The following NKAIN3 variants were observed in gnomAD, a reference collection of about 807,000 sequenced individuals.
The protein encoded by NKAIN3 is sodium/potassium-transporting ATPase subunit beta-1-interacting protein 3.
A neutral mutation model predicts 30.2 loss-of-function variants in NKAIN3; 25 were observed. The ratio of observed to expected loss-of-function variants is 0.83; its 90% CI spans 0.60 to 1.16. NKAIN3 has a LOEUF of 1.16. Among genes scored for constraint, NKAIN3 ranks in the 50% most tolerant of loss-of-function variants. The probability of loss-of-function intolerance (pLI) is 0.00; values close to 1 mark genes in which losing one functional copy is unlikely to be tolerated. For missense variants in NKAIN3, 225 were observed against 254.1 expected (o/e 0.89, Z 0.78); for synonymous variants, 91 against 89.6 (o/e 1.02, Z -0.09).
chr8:62,549,349 G>C (rs887950166), intron 1 of NKAIN3, among the ~76,000 whole-genome samples: 4 of 151,698 alleles, frequency 2.6e-5, no homozygotes, highest in Admixed American at 6.6e-5. Context: ...ATCGGAGGGG[G>C]GCCTGTTCCA....
chr8:62,343,759 T>A (rs1036402471), intron 1 of NKAIN3, among the ~76,000 whole-genome samples: 1 of 151,962 alleles, frequency 6.6e-6, no homozygotes, highest in Non-Finnish European at 1.5e-5. Flanking sequence ...TACAGTAAGC[T>A]CTGATTGCGC....
Position 62,927,357 on chromosome 8 carries a change from C to T in NKAIN3, c.532+8844C>T, listed in dbSNP as rs77795816. On this transcript the variant is annotated intron_variant, in intron 5 of 6. Coordinates refer to ENST00000623646, the MANE Select transcript of NKAIN3 (RefSeq NM_001304533.3). ...TTTCTCCCCTGGATTTCCAGAAAAT[C>T]GCATCTCTTGAACAGCACATATTTT... Among the ~76,000 whole-genome samples, 49 of 152,280 alleles carry T rather than the reference C, an allele frequency of 3.2e-4. No individual in the cohort carries two copies. The East Asian group carries it at 7.3e-3, about 23-fold the overall frequency.
intron 1 of NKAIN3, among the ~76,000 whole-genome samples, chr8:62,398,684 G>C (rs1011802414): frequency 3.3e-5 from 5 of 152,214 alleles, no homozygotes; most frequent in Non-Finnish European, 7.3e-5. Context: ...CGTGTTCACT[G>C]TTAGCAGAGT....
intron 1 of NKAIN3, chr8:62,483,395 C>T (rs1160327936): frequency 1.4e-5 from 3 of 212,670 alleles, no homozygotes; most frequent in African/African-American, 4.6e-5. Context: ...CCCCATGTTT[C>T]CTTGTAAACT....
intron 1 of NKAIN3, among the ~76,000 whole-genome samples, chr8:62,358,999 G>A (rs964292229): frequency 3.9e-5 from 6 of 152,116 alleles, no homozygotes; most frequent in Non-Finnish European, 8.8e-5. Flanking sequence ...GGCTAACACG[G>A]TGAAACCCTG....
intron 6 of NKAIN3, among the ~76,000 whole-genome samples, chr8:62,954,971 A>T (rs1009200845): frequency 1.3e-5 from 2 of 152,158 alleles, no homozygotes; most frequent in South Asian, 4.1e-4. Context: ...TTTGATGGCG[A>T]TAGAAGAAAT....
intron 4 of NKAIN3, among the ~76,000 whole-genome samples, chr8:62,833,456 G>A (rs1387411402): frequency 1.3e-5 from 2 of 151,694 alleles, no homozygotes; most frequent in African/African-American, 4.8e-5. Context: ...AAAGAAAGAA[G>A]GTCCTAACAG....
intron 5 of NKAIN3, among the ~76,000 whole-genome samples, chr8:62,997,000 G>C (rs750907143): frequency 2.6e-5 from 4 of 152,162 alleles, no homozygotes; most frequent in Non-Finnish European, 5.9e-5. Context: ...GCGTCTGGAG[G>C]ATGGTGGCCC....
rs1399712770 is a variant in NKAIN3, at chr8:62,976,585, C to T, written c.*11178C>T. Among the ~76,000 whole-genome samples the T allele has an allele frequency of 1.3e-5, 2 of 152,124 alleles. No individual in the cohort carries two copies. Among genetic ancestry groups the T allele is most frequent in the African/African-American group, 2.4e-5 (1 of 41,412 alleles). ...TTTTGAGCCTATGTGTGTCTTTGCA[C>T]ATGAGATGGGTCTCGAATACAACAC... is the stretch of plus-strand genomic sequence containing the variant. On this transcript the variant is annotated 3_prime_UTR_variant, in exon 7 of 7. Coordinates refer to ENST00000623646, the MANE Select transcript of NKAIN3 (RefSeq NM_001304533.3).
intron 5 of NKAIN3, among the ~76,000 whole-genome samples, chr8:62,945,938 G>A (rs553805311): frequency 2.0e-5 from 3 of 152,180 alleles, no homozygotes; most frequent in Non-Finnish European, 1.5e-5. Context: ...CATCCATTTT[G>A]CATAGTATTG....
At chr8:62,275,895 G>A (rs927050848) in intron 1 of NKAIN3, among the ~76,000 whole-genome samples, 3 of 151,960 alleles carry the variant, frequency 2.0e-5, no homozygotes, top group Non-Finnish European at 2.9e-5. Flanking sequence ...ATTTTTAGAT[G>A]CTTAAGAAAT....
intron 4 of NKAIN3, among the ~76,000 whole-genome samples, chr8:62,783,313 A>T (rs542153147): frequency 8.1e-4 from 123 of 152,242 alleles, no homozygotes; most frequent in African/African-American, 2.9e-3. Flanking sequence ...CCTTTCTACC[A>T]TGTGAAGTCA....
At chr8:62,692,300 C>T (rs909515320) in intron 3 of NKAIN3, among the ~76,000 whole-genome samples, 4 of 152,098 alleles carry the variant, frequency 2.6e-5, no homozygotes, top group Non-Finnish European at 5.9e-5. Context: ...AATCAAATTA[C>T]CACAAACTTC....
intron 4 of NKAIN3, among the ~76,000 whole-genome samples, chr8:62,844,138 C>T (rs534001750): frequency 5.9e-5 from 9 of 152,260 alleles, no homozygotes; most frequent in Admixed American, 2.6e-4. Context: ...TTAAATGCCA[C>T]AAACATGCAG....
chr8:62,781,546 C>G (rs1180415423), intron 4 of NKAIN3, among the ~76,000 whole-genome samples: 1 of 151,884 alleles, frequency 6.6e-6, no homozygotes, highest in Non-Finnish European at 1.5e-5. Flanking sequence ...GCTATACTAA[C>G]CAAAGCAGCA....
intron 1 of NKAIN3, among the ~76,000 whole-genome samples, chr8:62,295,642 A>G (rs191550955): frequency 2.0e-5 from 3 of 152,322 alleles, no homozygotes; most frequent in Non-Finnish European, 4.4e-5. Context: ...TCTTGCATAT[A>G]AAATAAGATC....
rs1193138500 is a variant in NKAIN3 at position 62,970,139 on chromosome 8, A to G, written c.*4732A>G. ...ACTTGAGGGACTGAGGGAAGGGAAG[A>G]TTACTTGAGCCCAGGAATTAGAGGC... On this transcript the variant is annotated 3_prime_UTR_variant, in exon 7 of 7. Transcript: ENST00000623646. Among the ~76,000 whole-genome samples, 1 of 150,124 alleles carries G rather than the reference A, an allele frequency of 6.7e-6. No homozygotes were observed. The highest frequency in any genetic ancestry group is 2.5e-5 in the African/African-American group (1 of 40,572).
chr8:62,507,953 A>C (rs1807694632), intron 1 of NKAIN3, among the ~76,000 whole-genome samples: 1 of 152,238 alleles, frequency 6.6e-6, no homozygotes. Flanking sequence ...TTAGTTTCAC[A>C]GTATAAAAAT....
intron 4 of NKAIN3, among the ~76,000 whole-genome samples, chr8:62,868,226 C>A (rs1320717260): frequency 6.6e-6 from 1 of 152,168 alleles, no homozygotes; most frequent in Admixed American, 6.5e-5. Flanking sequence ...CTTTAAATAA[C>A]CCTCTATGGT....
Sources: gnomAD v4.1 joint callset for allele counts (sites outside exome capture counted in the v4.1 genomes callset) on GRCh38, gnomAD v4.1.1 for gene constraint, MANE v1.5 for transcripts, NCBI Gene and HGNC (gene_info 2026-07-23, HGNC 2026-07-21) for gene names.